Variants in RIMS2 observed in about 807,000 individuals in gnomAD.
RIMS2 encodes regulating synaptic membrane exocytosis protein 2.
In RIMS2, 59 loss-of-function variants were observed where a neutral mutation model predicts 174.4. That is an observed-to-expected ratio of 0.34 (90% CI 0.27 to 0.42). The LOEUF is 0.42. Ranked by LOEUF, RIMS2 falls within the 10% of genes least tolerant of loss-of-function variation. The probability of loss-of-function intolerance (pLI) is 1.00; values close to 1 mark genes in which losing one functional copy is unlikely to be tolerated. For missense variants in RIMS2, 1,620 were observed against 1,666.3 expected (o/e 0.97, Z 0.48); for synonymous variants, 606 against 572.5 (o/e 1.06, Z -0.84).
chr8:104,119,163 T>C (rs943529862), intron 19 of RIMS2, among the ~76,000 whole-genome samples: 1 of 149,072 alleles, frequency 6.7e-6, no homozygotes, highest in Non-Finnish European at 1.5e-5. Flanking sequence ...CTAGCCAACA[T>C]GGTAAACCCC....
chr8:104,062,465 C>A (rs760343779), intron 19 of RIMS2, among the ~76,000 whole-genome samples: 25 of 152,178 alleles, frequency 1.6e-4, no homozygotes, highest in Non-Finnish European at 3.2e-4. Flanking sequence ...TTGAGTGGCA[C>A]TACCTTTTAA....
At chr8:103,602,455 C>G (rs1209279729) in intron 1 of RIMS2, among the ~76,000 whole-genome samples, 1 of 151,678 alleles carries the variant, frequency 6.6e-6, no homozygotes, top group East Asian at 1.9e-4. Context: ...CATCCCTCCT[C>G]CCACTCTTCA....
chr8:103,518,820 C>A (rs1484110431), intron 1 of RIMS2, among the ~76,000 whole-genome samples: 2 of 152,090 alleles, frequency 1.3e-5, no homozygotes, highest in East Asian at 3.9e-4. Flanking sequence ...CATGAGAATT[C>A]CTACGAGTGC....
At chr8:104,151,088 C>T (rs771630397) in intron 19 of RIMS2, among the ~76,000 whole-genome samples, 1 of 151,900 alleles carries the variant, frequency 6.6e-6, no homozygotes, top group African/African-American at 2.4e-5. Context: ...CTAAGCCAGC[C>T]GTAATAAAGA....
chr8:103,573,787 A>G (rs1409318508), intron 1 of RIMS2, among the ~76,000 whole-genome samples: 1 of 152,078 alleles, frequency 6.6e-6, no homozygotes, highest in Non-Finnish European at 1.5e-5. Context: ...TGATCTGTAT[A>G]TTGCTTTGGG....
intron 15 of RIMS2, among the ~76,000 whole-genome samples, chr8:103,965,453 T>C (rs1049713926): frequency 6.6e-6 from 1 of 152,206 alleles, no homozygotes; most frequent in African/African-American, 2.4e-5. Context: ...ATTGTTGATA[T>C]ATGGGAAAGT....
At chr8:103,593,443 A>T (rs963973067) in intron 1 of RIMS2, among the ~76,000 whole-genome samples, 3 of 151,538 alleles carry the variant, frequency 2.0e-5, no homozygotes, top group African/African-American at 7.2e-5. Context: ...GTTTTTGCAT[A>T]CAGTTAACCT....
intron 3 of RIMS2, among the ~76,000 whole-genome samples, chr8:103,785,520 G>T (rs190947220): frequency 0.054 from 8,211 of 152,184 alleles, 318 homozygotes; most frequent in Non-Finnish European, 0.078. Context: ...TGCATCTATT[G>T]AGATAATGAT....
At chr8:104,122,891 C>A (rs1005045576) in intron 19 of RIMS2, among the ~76,000 whole-genome samples, 3 of 152,072 alleles carry the variant, frequency 2.0e-5, no homozygotes, top group Admixed American at 6.6e-5. Flanking sequence ...TGACAGTCAA[C>A]AAGTTATCTT....
chr8:104,169,373 C>T (rs1023635835), intron 19 of RIMS2, among the ~76,000 whole-genome samples: 8 of 141,930 alleles, frequency 5.6e-5, no homozygotes, highest in Non-Finnish European at 1.2e-4. Context: ...TGTTATTAGT[C>T]TGTTTAGAGT....
At chr8:103,736,090 C>T (rs1211251941) in intron 2 of RIMS2, among the ~76,000 whole-genome samples, 1 of 152,072 alleles carries the variant, frequency 6.6e-6, no homozygotes, top group African/African-American at 2.4e-5. Context: ...CTTGGCTTTT[C>T]TTTCTTTGCA....
At chr8:103,933,782 T>G (rs561215125) in intron 12 of RIMS2, among the ~76,000 whole-genome samples, 1 of 152,364 alleles carries the variant, frequency 6.6e-6, no homozygotes, top group South Asian at 2.1e-4. Context: ...TTAACAATTT[T>G]TTATTTGTGG....
chr8:103,657,318 T>C (rs1283059333), intron 1 of RIMS2, among the ~76,000 whole-genome samples: 1 of 152,120 alleles, frequency 6.6e-6, no homozygotes, highest in African/African-American at 2.4e-5. Context: ...GCTACACCAG[T>C]GGAAGAGAGA....
intron 1 of RIMS2, among the ~76,000 whole-genome samples, chr8:103,563,723 T>C (rs1285887330): frequency 6.6e-6 from 1 of 152,174 alleles, no homozygotes; most frequent in African/African-American, 2.4e-5. Context: ...TTCACGCTGG[T>C]ATTAAAGACA....
intron 1 of RIMS2, among the ~76,000 whole-genome samples, chr8:103,629,617 A>G (rs1218728442): frequency 6.6e-6 from 1 of 152,242 alleles, no homozygotes; most frequent in Admixed American, 6.5e-5. Context: ...ATTGAGAACT[A>G]GGAAAATTTC....
intron 1 of RIMS2, among the ~76,000 whole-genome samples, chr8:103,580,825 C>T (rs1052040482): frequency 1.9e-4 from 21 of 113,462 alleles, no homozygotes; most frequent in East Asian, 3.2e-4. Flanking sequence ...AAAGGGAATA[C>T]TTTTTTTTTT....
At chr8:104,060,366 T>G (rs1242416307) in intron 19 of RIMS2, among the ~76,000 whole-genome samples, 1 of 151,612 alleles carries the variant, frequency 6.6e-6, no homozygotes, top group Non-Finnish European at 1.5e-5. Flanking sequence ...ATAGAGTTGT[T>G]TGTAGTATTC....
At chr8:103,934,459 TAAGGTTA>T (rs1340304417) in intron 12 of RIMS2, among the ~76,000 whole-genome samples, 38 of 152,266 alleles carry the variant, frequency 2.5e-4, no homozygotes, top group Admixed American at 4.6e-4. Context: ...TTGCTGAAGA[TAAGGTTA>T]TTTTTCATAG....
In RIMS2 at chr8:104,073,330, TA is replaced by T. The variant is rs1309780652; in HGVS notation, c.3334+58716del. 4.6e-5 allele frequency among the ~76,000 whole-genome samples: 7 copies of T among 152,318 alleles called. No homozygotes were observed. In the East Asian group the frequency reaches 1.2e-3, roughly 25 times the overall value. ...AATATTTTTAAATGTTCCCACAAGC[TA>T]TATATTGCTATGAAGATACTCTTTG... On this transcript the variant is annotated intron_variant, in intron 19 of 23. Coordinates refer to ENST00000504942, the Ensembl canonical transcript of RIMS2.
Sources: allele counts gnomAD v4.1 joint callset (sites outside exome capture counted in the v4.1 genomes callset), GRCh38; gene constraint gnomAD v4.1.1; transcripts MANE v1.5; gene names NCBI Gene and HGNC (gene_info 2026-07-23, HGNC 2026-07-21).